ENY2: variants seen among roughly 807,000 people sequenced by gnomAD.
ENY2 encodes ENY2 transcription and export complex 2 subunit.
ENY2 carries 4 observed loss-of-function variants against 15.9 expected under a neutral mutation model. The ratio of observed to expected loss-of-function variants is 0.25; its 90% CI spans 0.12 to 0.57. The LOEUF (loss-of-function observed/expected upper bound fraction) is 0.57. Ranked by LOEUF, ENY2 falls within the 20% of genes least tolerant of loss-of-function variation. The pLI, the probability that ENY2 is intolerant of heterozygous loss-of-function variation, is 0.91. For synonymous variants in ENY2, 48 were observed against 38.0 expected (o/e 1.26, Z -0.97); for missense variants, 54 against 117.2 (o/e 0.46, Z 2.49).
chr8:109,336,598 CT>C, intron 2 of ENY2: 1 of 161,990 alleles, frequency 6.2e-6, no homozygotes, highest in South Asian at 1.7e-4. Flanking sequence ...CCTTCTCTTC[CT>C]TTTTAGCTAA....
intron 1 of ENY2, chr8:109,334,894 C>A: frequency 5.9e-6 from 1 of 170,242 alleles, no homozygotes. Context: ...ATTACAAAAG[C>A]AAGCATTTCC....
At chr8:109,337,405 A>C (rs775349274) in intron 2 of ENY2, among the ~76,000 whole-genome samples, 1 of 151,370 alleles carries the variant, frequency 6.6e-6, no homozygotes, top group Non-Finnish European at 1.5e-5. Flanking sequence ...CAAGTTACTG[A>C]GTTTCTATCA....
intron 2 of ENY2, 21 bp downstream of exon 2, chr8:109,336,225 A>G (rs755904474): frequency 6.3e-7 from 1 of 1,590,922 alleles, no homozygotes; most frequent in Non-Finnish European, 8.6e-7. Context: ...GATTGTGTTA[A>G]TAAATTACAT....
intron 1 of ENY2, 128 bp downstream of exon 1, chr8:109,334,602 T>C: frequency 8.3e-7 from 1 of 1,199,218 alleles, no homozygotes. Context: ...CAGGGCGTGC[T>C]ACCGGAGTTG....
Position 109,345,330 on chromosome 8 carries a change from G to A in ENY2, c.*1849G>A, listed in dbSNP as rs1199663370. On this transcript the variant is annotated 3_prime_UTR_variant, in exon 5 of 5. Coordinates refer to ENST00000521688, the MANE Select transcript of ENY2 (RefSeq NM_020189.6). ...GGAAAAAATGAAGGAACAAGTGAAT[G>A]AACAGTATGGGAGTATGAGAAAAGG... The A allele has an allele frequency of 6.6e-6, 1 of 152,188 alleles. No homozygotes were observed. The highest frequency in any genetic ancestry group is 1.5e-5 in the Non-Finnish European group (1 of 68,042). The allele number at this position is 152,188 out of a possible 1,614,324, so 9.4% of individuals were successfully genotyped here.
intron 4 of ENY2, 65 bp downstream of exon 4, chr8:109,340,628 T>G: frequency 6.3e-7 from 1 of 1,586,538 alleles, no homozygotes. Flanking sequence ...AATCTCTTGC[T>G]GGTTCAGATT....
chr8:109,334,500 G>T (rs1448587248), intron 1 of ENY2, 26 bp downstream of exon 1: 1 of 1,610,668 alleles, frequency 6.2e-7, no homozygotes, highest in Non-Finnish European at 8.5e-7. Context: ...GGTCCTCAGG[G>T]CCGGGACCCG....
In ENY2 at chr8:109,344,742, C is replaced by G. The variant is rs762195409; in HGVS notation, c.*1261C>G. 6.6e-6 allele frequency: 1 copy of G among 152,196 alleles called. No individual in the cohort carries two copies. Among genetic ancestry groups the G allele is most frequent in the Non-Finnish European group, 1.5e-5 (1 of 68,056 alleles). 9.4% of individuals were successfully genotyped at this position (152,196 alleles called of 1,614,324 possible). A position where few individuals can be genotyped will look rare whatever the true frequency, so the allele number is the denominator to read the frequency against. ...TCATGCTGCTGATTGAGAACCACTT[C>G]TGAATATAGCAAGGCTGTAAATTAT... On this transcript the variant is annotated 3_prime_UTR_variant, in exon 5 of 5. Transcript: ENST00000521688.
At chr8:109,340,635 G>A (rs1586329055) in intron 4 of ENY2, 72 bp downstream of exon 4, 3 of 1,580,160 alleles carry the variant, frequency 1.9e-6, no homozygotes, top group Admixed American at 3.6e-5. Flanking sequence ...TGCTGGTTCA[G>A]ATTTTCTTTC....
At chr8:109,337,366 T>C (rs79457824) in intron 2 of ENY2, among the ~76,000 whole-genome samples, 1 of 151,902 alleles carries the variant, frequency 6.6e-6, no homozygotes, top group African/African-American at 2.4e-5. Flanking sequence ...TTTTTTTTTT[T>C]TGTTGTTTGT....
Position 109,344,335 on chromosome 8 carries a change from T to C in ENY2, c.*854T>C, listed in dbSNP as rs1418699237. On this transcript the variant is annotated 3_prime_UTR_variant, in exon 5 of 5. Transcript: ENST00000521688. ...TGTCTGGGACTTGTAGATAATGGTG[T>C]TTCCTAGGGCTCCCTCCAGGGCCCT... 3 of 152,176 alleles carry C rather than the reference T, an allele frequency of 2.0e-5. No individual in the cohort carries two copies. The highest frequency in any genetic ancestry group is 7.2e-5 in the African/African-American group (3 of 41,404). 9.4% of individuals were successfully genotyped at this position (152,176 alleles called of 1,614,324 possible). A position where few individuals can be genotyped will look rare whatever the true frequency, so the allele number is the denominator to read the frequency against.
At position 109,334,949 on chromosome 8, in the gene ENY2, GA is replaced by G. The variant is rs145337830; in HGVS notation, c.6+485del. On this transcript the variant is annotated intron_variant, in intron 1 of 4. Coordinates refer to ENST00000521688, the MANE Select transcript of ENY2 (RefSeq NM_020189.6). ...CCTTTTCCCTGTTCCTCTCAAAAAA[GA>G]AAAAAAAAATCAACTCTGGTAACTC... 1,042 of 146,862 alleles carry G rather than the reference GA, an allele frequency of 7.1e-3. 12 individuals carry two copies. The highest frequency in any genetic ancestry group is 0.024 in the African/African-American group (983 of 40,276). The allele number at this position is 146,862 out of a possible 1,614,324, so 9.1% of individuals were successfully genotyped here. A position where few individuals can be genotyped will look rare whatever the true frequency, so the allele number is the denominator to read the frequency against.
In ENY2 at chr8:109,343,582, G is replaced by T; in HGVS notation, c.*101G>T. The T allele has an allele frequency of 9.6e-7, 1 of 1,039,374 alleles. No individual in the cohort carries two copies. The highest frequency in any genetic ancestry group is 1.4e-6 in the Non-Finnish European group (1 of 708,424). The allele number at this position is 1,039,374 out of a possible 1,614,324, so 64.4% of individuals were successfully genotyped here. On this transcript the variant is annotated 3_prime_UTR_variant, in exon 5 of 5. Coordinates refer to ENST00000521688, the MANE Select transcript of ENY2 (RefSeq NM_020189.6). ...AAATAAAATCCTTTTTTGTATGATG[G>T]TATACAGTTTTCAGTAATGATGTAT...
intron 1 of ENY2, 47 bp downstream of exon 1, chr8:109,334,521 A>T (rs1483398789): frequency 1.3e-6 from 2 of 1,598,712 alleles, no homozygotes; most frequent in Non-Finnish European, 1.7e-6. Flanking sequence ...GGCCCAGCCC[A>T]GGCTCCTTTC....
At chr8:109,335,694 T>A (rs1815959502) in intron 1 of ENY2, 1 of 152,788 alleles carries the variant, frequency 6.5e-6, no homozygotes, top group African/African-American at 2.4e-5. Flanking sequence ...TAGTATTTAA[T>A]CTTTTTTTGA....
chr8:109,337,293 G>A (rs180983185), intron 2 of ENY2, among the ~76,000 whole-genome samples: 5 of 151,824 alleles, frequency 3.3e-5, no homozygotes, highest in Admixed American at 6.5e-5. Context: ...AGGAGGCATC[G>A]ATAACTGCCT....
rs781212471 is a variant in ENY2 at position 109,343,383 on chromosome 8, T to C, written c.230-22T>C. 20 of 1,589,440 alleles carry C rather than the reference T, an allele frequency of 1.3e-5. No individual in the cohort carries two copies. In the South Asian group the frequency reaches 1.7e-4, roughly 14 times the overall value. ...ATTAATTGGTACCTTCTTACTCTTA[T>C]TTTTTTATTTTTGTTTTTCAGCCCT... On this transcript the variant is annotated intron_variant, in intron 4 of 4. Transcript: ENST00000521688.
intron 2 of ENY2, among the ~76,000 whole-genome samples, chr8:109,336,866 A>G (rs1204365293): frequency 6.6e-6 from 1 of 152,092 alleles, no homozygotes; most frequent in African/African-American, 2.4e-5. Flanking sequence ...AGTACAAAGA[A>G]GGGGCTGAGG....
rs1389652871 is a variant in ENY2 at position 109,343,909 on chromosome 8, T to C, written c.*428T>C. 6.5e-6 allele frequency: 1 copy of C among 153,474 alleles called. No individual in the cohort carries two copies. Among genetic ancestry groups the C allele is most frequent in the Non-Finnish European group, 1.4e-5 (1 of 69,006 alleles). The allele number at this position is 153,474 out of a possible 1,614,324, so 9.5% of individuals were successfully genotyped here. Reference sequence around the variant, plus strand: ...TACTACAGTTGTCTTATTCGTATTGTTTATAAACTTTGAGGGTTAGGACTG... The same window carrying C: ...TACTACAGTTGTCTTATTCGTATTGCTTATAAACTTTGAGGGTTAGGACTG... On this transcript the variant is annotated 3_prime_UTR_variant, in exon 5 of 5. Coordinates refer to ENST00000521688, the MANE Select transcript of ENY2 (RefSeq NM_020189.6).
Sources: gnomAD v4.1 joint callset for allele counts (sites outside exome capture counted in the v4.1 genomes callset) on GRCh38, gnomAD v4.1.1 for gene constraint, MANE v1.5 for transcripts, NCBI Gene and HGNC (gene_info 2026-07-23, HGNC 2026-07-21) for gene names.